The following PCSK6 variants were observed in gnomAD, a reference collection of about 807,000 sequenced individuals.
PCSK6 encodes proprotein convertase subtilisin/kexin type 6, also known as paired basic amino acid cleaving enzyme 4.
In PCSK6, 85 loss-of-function variants were observed where a neutral mutation model predicts 123.3. The ratio of observed to expected loss-of-function variants is 0.69; its 90% confidence interval spans 0.58 to 0.83. The LOEUF is 0.83. Among genes scored for constraint, PCSK6 ranks in the 40% least tolerant of loss-of-function variants. The pLI is 0.00. For missense variants in PCSK6, 1,191 were observed against 1,282.3 expected (o/e 0.93, Z 1.09); for synonymous variants, 508 against 516.0 (o/e 0.98, Z 0.21).
chr15:101,382,262 A>G, intron 10 of PCSK6, 53 bp from the exon 11 acceptor site: 1 of 1,386,650 alleles, frequency 7.2e-7, no homozygotes. Context: ...CCAGGAAGGG[A>G]GCAAGGCTGG....
At chr15:101,361,447 A>G (rs2041220989) in intron 13 of PCSK6, among the ~76,000 whole-genome samples, 1 of 151,966 alleles carries the variant, frequency 6.6e-6, no homozygotes, top group Non-Finnish European at 1.5e-5. Context: ...TAGGACATCC[A>G]CCACAGGCAT....
At chr15:101,368,335 G>A (rs2041462315) in intron 12 of PCSK6, among the ~76,000 whole-genome samples, 1 of 152,228 alleles carries the variant, frequency 6.6e-6, no homozygotes, top group African/African-American at 2.4e-5. Flanking sequence ...CAGGTAGCCG[G>A]ACGTAAGCAG....
At chr15:101,348,193 C>T (rs1462174709) in intron 13 of PCSK6, among the ~76,000 whole-genome samples, 1 of 152,056 alleles carries the variant, frequency 6.6e-6, no homozygotes, top group Non-Finnish European at 1.5e-5. Context: ...GCCTCCGCTG[C>T]TCCTCCCCGG....
intron 6 of PCSK6, among the ~76,000 whole-genome samples, chr15:101,415,162 A>T (rs1313357677): frequency 3.3e-5 from 5 of 152,252 alleles, no homozygotes; most frequent in Non-Finnish European, 5.9e-5. Flanking sequence ...CATCATGGAA[A>T]CCAGCATTCC....
chr15:101,345,507 T>C (rs1365507726), intron 13 of PCSK6, among the ~76,000 whole-genome samples: 1 of 152,194 alleles, frequency 6.6e-6, no homozygotes, highest in African/African-American at 2.4e-5. Context: ...AAATTATTTT[T>C]AAAAAGTCAA....
intron 1 of PCSK6, among the ~76,000 whole-genome samples, chr15:101,455,255 G>C (rs2057149344): frequency 6.6e-6 from 1 of 152,208 alleles, no homozygotes; most frequent in South Asian, 2.1e-4. Context: ...CAGTGTACCA[G>C]CAGCATCTGG....
intron 11 of PCSK6, among the ~76,000 whole-genome samples, chr15:101,379,820 G>A (rs1041490050): frequency 2.0e-5 from 3 of 152,238 alleles, no homozygotes; most frequent in East Asian, 1.9e-4. Flanking sequence ...CGCGGCTCAG[G>A]TGCAGATGAC....
Position 101,398,599 on chromosome 15 carries a change from G to A in PCSK6, c.824-23C>T. 6.3e-7 allele frequency: 1 copy of A among 1,596,358 alleles called. No individual in the cohort carries two copies. The highest frequency in any genetic ancestry group is 8.5e-7 in the Non-Finnish European group (1 of 1,169,742). ...TGCCTGAAAGCACAGAGGAGGCTCG[G>A]TGTCGGCGCCCAGGCTCCGGGCACA... is the stretch of plus-strand genomic sequence containing the variant. On this transcript the variant is annotated intron_variant, in intron 6 of 21. Coordinates refer to ENST00000611716, the MANE Select transcript of PCSK6 (RefSeq NM_002570.5). The surrounding 1 kb of genome is among the most constrained non-coding windows in gnomAD (Gnocchi z 4.6).
intron 7 of PCSK6, among the ~76,000 whole-genome samples, chr15:101,397,244 T>C (rs116898220): frequency 1.3e-5 from 2 of 152,082 alleles, no homozygotes; most frequent in East Asian, 3.9e-4. Context: ...CATCAAATGA[T>C]ATTACTTAGA....
intron 4 of PCSK6, 146 bp from the exon 5 acceptor site, chr15:101,430,209 T>A: frequency 1.5e-6 from 1 of 666,686 alleles, no homozygotes; most frequent in Middle Eastern, 2.8e-4. Flanking sequence ...GTTTTTATCG[T>A]GGTAAAATAT....
intron 1 of PCSK6, among the ~76,000 whole-genome samples, chr15:101,449,789 C>T (rs1346497566): frequency 6.6e-6 from 1 of 152,120 alleles, no homozygotes; most frequent in Non-Finnish European, 1.5e-5. Context: ...AAGACAGGCC[C>T]AGAAGGCTGT....
chr15:101,320,363 G>A (rs1034633153), intron 18 of PCSK6, among the ~76,000 whole-genome samples: 1 of 152,240 alleles, frequency 6.6e-6, no homozygotes, highest in African/African-American at 2.4e-5. Flanking sequence ...TGGGATTACA[G>A]GCGTGAGCCA....
At chr15:101,403,244 G>A (rs545547650) in intron 6 of PCSK6, among the ~76,000 whole-genome samples, 6 of 137,068 alleles carry the variant, frequency 4.4e-5, no homozygotes, top group Admixed American at 7.8e-5. Context: ...ACACAGGAAG[G>A]GGAACATCAC....
At chr15:101,445,244 T>C (rs1050802615) in intron 1 of PCSK6, among the ~76,000 whole-genome samples, 1 of 152,214 alleles carries the variant, frequency 6.6e-6, no homozygotes, top group Non-Finnish European at 1.5e-5. Context: ...GGGTCTGGGA[T>C]GCTTTAGCTT....
intron 1 of PCSK6, among the ~76,000 whole-genome samples, chr15:101,446,832 T>A (rs147840877): frequency 6.6e-6 from 1 of 152,312 alleles, no homozygotes; most frequent in East Asian, 1.9e-4. Flanking sequence ...CAGCATCTCA[T>A]TGAGTCTCTG....
intron 1 of PCSK6, among the ~76,000 whole-genome samples, chr15:101,480,824 C>T (rs772551161): frequency 1.3e-5 from 2 of 152,188 alleles, no homozygotes; most frequent in Admixed American, 1.3e-4. Flanking sequence ...TGTACAAGTA[C>T]GTACGTGGCA....
chr15:101,342,915 A>C (rs77708248), intron 13 of PCSK6, among the ~76,000 whole-genome samples: 1 of 151,892 alleles, frequency 6.6e-6, no homozygotes, highest in Non-Finnish European at 1.5e-5. Context: ...AAAAAAAAAA[A>C]CCAAACTCTG....
chr15:101,483,055 C>T (rs1367826464), intron 1 of PCSK6, among the ~76,000 whole-genome samples: 1 of 152,224 alleles, frequency 6.6e-6, no homozygotes, highest in Non-Finnish European at 1.5e-5. Flanking sequence ...TTGCCTCTGT[C>T]CCTCAGTTCA....
chr15:101,385,046 T>G (rs1246305954), intron 9 of PCSK6, among the ~76,000 whole-genome samples: 1 of 152,230 alleles, frequency 6.6e-6, no homozygotes, highest in Non-Finnish European at 1.5e-5. Context: ...AGACAGGGTC[T>G]CGCCCTGTTG....
Sources: allele counts gnomAD v4.1 joint callset (sites outside exome capture counted in the v4.1 genomes callset), GRCh38; gene constraint gnomAD v4.1.1; non-coding constraint Gnocchi (gnomAD v3.1); transcripts MANE v1.5; gene names NCBI Gene and HGNC (gene_info 2026-07-23, HGNC 2026-07-21).